Variants in CSNK2A1 observed in about 807,000 individuals in gnomAD.
CSNK2A1 encodes the protein casein kinase 2 alpha 1.
Under a neutral mutation model 62.9 loss-of-function variants are expected in CSNK2A1, and 10 were observed. The ratio of observed to expected loss-of-function variants is 0.16; its 90% confidence interval spans 0.10 to 0.27. The LOEUF is 0.27. CSNK2A1 is among the 10% of genes least tolerant of loss of function. CSNK2A1 has a pLI of 1.00. For synonymous variants in CSNK2A1, 124 were observed against 167.8 expected (o/e 0.74, Z 2.02); for missense variants, 160 against 492.0 (o/e 0.33, Z 6.38).
At chr20:513,416 T>C (rs1158977828) in intron 2 of CSNK2A1, among the ~76,000 whole-genome samples, 2 of 152,226 alleles carry the variant, frequency 1.3e-5, no homozygotes, top group Admixed American at 6.5e-5. Flanking sequence ...TAAATTTGTA[T>C]TAAGTAATTA....
Position 483,912 on chromosome 20 carries a change from G to A in CSNK2A1, c.*49C>T, listed in dbSNP as rs1039349216. Reference sequence around the variant, plus strand: ...CCAGGCGCAAGCTGCATCAAGGAGAGGGTGGACTCCCCCACCTCTGCTCAG... The same window carrying A: ...CCAGGCGCAAGCTGCATCAAGGAGAAGGTGGACTCCCCCACCTCTGCTCAG... On this transcript the variant is annotated 3_prime_UTR_variant, in exon 14 of 14. Transcript: ENST00000217244. 1.9e-6 allele frequency: 3 copies of A among 1,564,632 alleles called. No homozygotes were observed. The African/African-American group carries it at 4.2e-5, about 22-fold the overall frequency.
At chr20:487,018 A>G (rs1252732687) in intron 12 of CSNK2A1, 1 of 196,788 alleles carries the variant, frequency 5.1e-6, no homozygotes, top group Non-Finnish European at 1.1e-5. Flanking sequence ...TGGTATTTTC[A>G]CTTAGGATGG....
At chr20:518,435 G>A (rs1356176516) in intron 2 of CSNK2A1, among the ~76,000 whole-genome samples, 1 of 152,186 alleles carries the variant, frequency 6.6e-6, no homozygotes, top group Non-Finnish European at 1.5e-5. Flanking sequence ...CTTGTTTTAA[G>A]GTGGTCTCTG....
intron 1 of CSNK2A1, among the ~76,000 whole-genome samples, chr20:533,856 T>G (rs896786672): frequency 1.3e-5 from 2 of 152,220 alleles, no homozygotes; most frequent in Non-Finnish European, 2.9e-5. Context: ...TTTGGATTAA[T>G]AGTTCTACCC....
intron 1 of CSNK2A1, among the ~76,000 whole-genome samples, chr20:534,057 A>G (rs976738949): frequency 6.6e-5 from 10 of 152,370 alleles, no homozygotes; most frequent in African/African-American, 1.7e-4. Context: ...AGAAAAATTC[A>G]GCACTTATGA....
intron 1 of CSNK2A1, among the ~76,000 whole-genome samples, chr20:537,909 T>G (rs1483585351): frequency 1.3e-5 from 2 of 152,162 alleles, no homozygotes; most frequent in Non-Finnish European, 2.9e-5. Flanking sequence ...CAAATCATAC[T>G]GTAATATTTA....
chr20:535,583 C>A (rs1371735544), intron 1 of CSNK2A1, among the ~76,000 whole-genome samples: 1 of 152,078 alleles, frequency 6.6e-6, no homozygotes, highest in African/African-American at 2.4e-5. Flanking sequence ...TGGCGACACC[C>A]CGCCTCTACT....
intron 13 of CSNK2A1, among the ~76,000 whole-genome samples, chr20:485,247 G>T (rs189573984): frequency 6.7e-6 from 1 of 149,872 alleles, no homozygotes; most frequent in Non-Finnish European, 1.5e-5. Context: ...GCAACGGTGC[G>T]ATCTCGGCTC....
At chr20:485,705 A>T (rs193191088) in intron 13 of CSNK2A1, among the ~76,000 whole-genome samples, 1 of 152,360 alleles carries the variant, frequency 6.6e-6, no homozygotes, top group East Asian at 1.9e-4. Flanking sequence ...AGGATACTCA[A>T]GGGGTAAATT....
At chr20:490,335 CTTT>C (rs907727482) in intron 9 of CSNK2A1, among the ~76,000 whole-genome samples, 1 of 84,802 alleles carries the variant, frequency 1.2e-5, no homozygotes, top group Admixed American at 1.3e-4. Flanking sequence ...CTAGTTTTTT[CTTT>C]TTTTTTTTTT....
At chr20:486,577 T>C in intron 12 of CSNK2A1, 115 bp from the exon 13 acceptor site, 1 of 1,071,408 alleles carries the variant, frequency 9.3e-7, no homozygotes, top group Non-Finnish European at 1.3e-6. Flanking sequence ...CTCTACATTA[T>C]TCCCCAAAGA....
intron 12 of CSNK2A1, chr20:487,021 T>C (rs2018115125): frequency 5.1e-6 from 1 of 196,680 alleles, no homozygotes; most frequent in Non-Finnish European, 1.1e-5. Flanking sequence ...TATTTTCACT[T>C]AGGATGGCAC....
intron 2 of CSNK2A1, among the ~76,000 whole-genome samples, chr20:524,378 C>T (rs962746718): frequency 1.9e-4 from 28 of 146,076 alleles, no homozygotes; most frequent in Non-Finnish European, 1.6e-4. Context: ...AGCAAGATAA[C>T]GCCATTGCAT....
intron 4 of CSNK2A1, chr20:502,922 T>G (rs2018500593): frequency 6.6e-6 from 1 of 152,214 alleles, no homozygotes; most frequent in African/African-American, 2.4e-5. Flanking sequence ...ACCCAACACC[T>G]ATCCAAATCC....
intron 1 of CSNK2A1, among the ~76,000 whole-genome samples, chr20:528,277 C>CT (rs1349419914): frequency 6.6e-6 from 1 of 152,200 alleles, no homozygotes; most frequent in Admixed American, 6.5e-5. Flanking sequence ...AGCAGACAAC[C>CT]ATCATCTCCG....
intron 10 of CSNK2A1, 69 bp from the exon 11 acceptor site, chr20:488,847 G>T: frequency 7.0e-7 from 1 of 1,420,062 alleles, no homozygotes; most frequent in South Asian, 1.2e-5. Context: ...AATTAACAAT[G>T]ATTGAATTTA....
chr20:483,974 C>A lies in CSNK2A1; in HGVS notation c.1163G>T (p.Gly388Val). The change falls in exon 14 of 14, where the codon GGC becomes GTC. Residue 388 changes from glycine to valine, a missense_variant. Physicochemically the swap from Gly to Val is moderately radical, Grantham distance 109. This residue lies in a region of CSNK2A1 where 51 missense variants were observed against 108.8 expected (regional missense o/e 0.47). Transcript: ENST00000217244. Reference protein sequence around the residue: ...PLGMPVPAAAGAQQ With the variant: ...PLGMPVPAAAVAQQ ...CAGATAGGGCCGTTACTGCTGAGCG[C>A]CAGCGGCAGCTGGAACAGGCATCCC... is the stretch of plus-strand genomic sequence containing the variant. 1 of 1,612,044 alleles carries A rather than the reference C, an allele frequency of 6.2e-7. No homozygotes were observed. Among genetic ancestry groups the A allele is most frequent in the Non-Finnish European group, 8.5e-7 (1 of 1,179,152 alleles).
chr20:484,528 T>C (rs1568495260), intron 13 of CSNK2A1, among the ~76,000 whole-genome samples: 1 of 152,246 alleles, frequency 6.6e-6, no homozygotes, highest in Non-Finnish European at 1.5e-5. Flanking sequence ...GAACAGCACA[T>C]GACTGCAGTC....
At chr20:523,588 C>T (rs562371060) in intron 2 of CSNK2A1, among the ~76,000 whole-genome samples, 31 of 152,156 alleles carry the variant, frequency 2.0e-4, no homozygotes, top group East Asian at 7.7e-4. Flanking sequence ...ATGACATTCA[C>T]GAAAAGATAA....
Sources: allele counts gnomAD v4.1 joint callset (sites outside exome capture counted in the v4.1 genomes callset), GRCh38; gene constraint gnomAD v4.1.1; regional missense constraint gnomAD v4.1.1; transcripts MANE v1.5; gene names NCBI Gene and HGNC (gene_info 2026-07-23, HGNC 2026-07-21).